Variants in HPSE2 observed in about 807,000 individuals in gnomAD.
HPSE2 encodes the protein heparanase 2 (inactive), also known as inactive heparanase-2.
In HPSE2, 38 loss-of-function variants were observed where a neutral mutation model predicts 60.5. The observed-to-expected ratio is 0.63, with a 90% CI of 0.48 to 0.82. The LOEUF (loss-of-function observed/expected upper bound fraction) is 0.82, where lower values mean the gene tolerates loss of function less well. HPSE2 is among the 40% of genes least tolerant of loss of function. The pLI, the probability that HPSE2 is intolerant of heterozygous loss-of-function variation, is 0.00. For synonymous variants in HPSE2, 295 were observed against 293.2 expected (o/e 1.01, Z -0.06); for missense variants, 713 against 740.4 (o/e 0.96, Z 0.43).
At chr10:99,153,640 C>G (rs1339933641) in intron 2 of HPSE2, among the ~76,000 whole-genome samples, 1 of 152,138 alleles carries the variant, frequency 6.6e-6, no homozygotes, top group Non-Finnish European at 1.5e-5. Flanking sequence ...GATAAAACCA[C>G]AAAGATGGGG....
the HPSE2 span, among the ~76,000 whole-genome samples, chr10:99,248,760 G>C: frequency 6.6e-6 from 1 of 152,212 alleles, no homozygotes; most frequent in African/African-American, 2.4e-5. Flanking sequence ...AGGGAAGAAT[G>C]GTTTTGTGGG....
intron 11 of HPSE2, among the ~76,000 whole-genome samples, chr10:98,476,290 A>T (rs1941016045): frequency 7.7e-6 from 1 of 129,802 alleles, no homozygotes; most frequent in South Asian, 2.6e-4. Context: ...ACATGGACAC[A>T]GGAAGGGGAA....
At chr10:98,833,515 T>C (rs773647954) in intron 3 of HPSE2, among the ~76,000 whole-genome samples, 1 of 152,194 alleles carries the variant, frequency 6.6e-6, no homozygotes. Context: ...TGAGCACTTA[T>C]GTCAGATACT....
intron 3 of HPSE2, among the ~76,000 whole-genome samples, chr10:99,093,613 A>G (rs1843595133): frequency 6.6e-6 from 1 of 152,186 alleles, no homozygotes; most frequent in South Asian, 2.1e-4. Context: ...GCATCATCAC[A>G]TAGCAGAAGG....
At chr10:98,820,198 T>C (rs1483486549) in intron 3 of HPSE2, among the ~76,000 whole-genome samples, 1 of 152,136 alleles carries the variant, frequency 6.6e-6, no homozygotes, top group African/African-American at 2.4e-5. Flanking sequence ...AGACATGTCT[T>C]TCCCCCAAGG....
At chr10:98,839,629 C>T (rs947926164) in intron 3 of HPSE2, among the ~76,000 whole-genome samples, 6 of 152,162 alleles carry the variant, frequency 3.9e-5, no homozygotes, top group African/African-American at 1.4e-4. Context: ...ATATTCCTCA[C>T]AGGAACACAG....
At chr10:98,693,840 AATT>A in intron 6 of HPSE2, 57 bp downstream of exon 6, 1 of 1,259,498 alleles carries the variant, frequency 7.9e-7, no homozygotes, top group Non-Finnish European at 1.2e-6. Context: ...AGTGACAACT[AATT>A]ATCTTTCATT....
intron 3 of HPSE2, among the ~76,000 whole-genome samples, chr10:98,803,082 C>A (rs1208778201): frequency 6.6e-6 from 1 of 151,626 alleles, no homozygotes; most frequent in African/African-American, 2.4e-5. Flanking sequence ...TGATGGTGAG[C>A]ATTTTTTCAT....
chr10:98,874,839 T>A (rs765906602), intron 3 of HPSE2, among the ~76,000 whole-genome samples: 3 of 152,000 alleles, frequency 2.0e-5, no homozygotes, highest in African/African-American at 7.2e-5. Context: ...AATTTTATCA[T>A]AGGCCTTTTC....
chr10:98,954,177 G>A (rs1426166314), intron 3 of HPSE2, among the ~76,000 whole-genome samples: 3 of 152,044 alleles, frequency 2.0e-5, no homozygotes, highest in East Asian at 1.9e-4. Flanking sequence ...GTGTGGTGGC[G>A]TATGCCTGTA....
At chr10:98,534,049 T>C (rs1404007067) in intron 9 of HPSE2, among the ~76,000 whole-genome samples, 1 of 152,106 alleles carries the variant, frequency 6.6e-6, no homozygotes, top group Non-Finnish European at 1.5e-5. Flanking sequence ...AAATTTACAG[T>C]TTAAAAAGTG....
the HPSE2 span, among the ~76,000 whole-genome samples, chr10:99,276,304 T>C: frequency 6.6e-6 from 1 of 152,194 alleles, no homozygotes; most frequent in East Asian, 1.9e-4. Flanking sequence ...ACCCAATAAT[T>C]ATTCTTTGTA....
At chr10:98,790,583 G>C (rs567851208) in intron 3 of HPSE2, among the ~76,000 whole-genome samples, 1 of 152,256 alleles carries the variant, frequency 6.6e-6, no homozygotes, top group African/African-American at 2.4e-5. Flanking sequence ...ACTGCATGCT[G>C]ACCACAATTG....
chr10:98,688,424 G>A lies in HPSE2; in HGVS notation c.1004+5476C>T, dbSNP rs575527349. On this transcript the variant is annotated intron_variant, in intron 6 of 11. Transcript: ENST00000370552. ...TTTTTGAGATCCAAGTTTCCTTCTG[G>A]TGCTACTGTCTTTCTGTCTGAAGAA... 9.6e-4 allele frequency among the ~76,000 whole-genome samples: 138 copies of A among 143,180 alleles called. 3 individuals are homozygous for A. The highest frequency in any genetic ancestry group is 9.6e-3 in the Admixed American group (133 of 13,802). 93.9% of individuals were successfully genotyped at this position (143,180 alleles called of 152,430 possible).
In HPSE2 at chr10:98,941,601, C is replaced by T. The variant is rs542185660; in HGVS notation, c.611-197545G>A. ...AAGAGGATACAAACAAATGGAAGAA[C>T]ATTCCATGCTCATGGATAGGAAGAA... On this transcript the variant is annotated intron_variant, in intron 3 of 11. Coordinates refer to ENST00000370552, the MANE Select transcript of HPSE2 (RefSeq NM_021828.5). Among the ~76,000 whole-genome samples, 128 of 140,044 alleles carry T rather than the reference C, an allele frequency of 9.1e-4. 3 individuals are homozygous for T. The highest frequency in any genetic ancestry group is 3.0e-4 in the Non-Finnish European group (20 of 66,044). The allele number at this position is 140,044 out of a possible 152,430, so 91.9% of individuals were successfully genotyped here. A position where few individuals can be genotyped will look rare whatever the true frequency, so the allele number is the denominator to read the frequency against.
rs72836747 is a variant in HPSE2 at position 98,871,331 on chromosome 10, G to A, written c.611-127275C>T. Among the ~76,000 whole-genome samples, 1,010 of 152,052 alleles carry A rather than the reference G, an allele frequency of 6.6e-3. 6 individuals carry two copies. The highest frequency in any genetic ancestry group is 0.027 in the South Asian group (129 of 4,822). On this transcript the variant is annotated intron_variant, in intron 3 of 11. Transcript: ENST00000370552. ...GATACGAAAAGTACAGCTAGGAGGT[G>A]CACCCAAATGGGTCCTTACCCTCTC...
chr10:99,157,840 C>T (rs1293409471), intron 2 of HPSE2, among the ~76,000 whole-genome samples: 49 of 121,652 alleles, frequency 4.0e-4, no homozygotes, highest in African/African-American at 1.2e-3. Context: ...AGAAAATTTT[C>T]GCAACCTACT....
rs200306721 is a variant in HPSE2 at position 99,093,339 on chromosome 10, G to GA, written c.610+50898dup. 8.5e-4 allele frequency among the ~76,000 whole-genome samples: 124 copies of GA among 146,720 alleles called. 1 individual carries two copies. Among genetic ancestry groups the GA allele is most frequent in the Non-Finnish European group, 1.2e-3 (77 of 66,396 alleles). On this transcript the variant is annotated intron_variant, in intron 3 of 11. Transcript: ENST00000370552. ...AATTTTTGCATGAGAATATTTTCCT[G>GA]AAAAAAAAAACTAGTAACATTGACT...
intron 9 of HPSE2, among the ~76,000 whole-genome samples, chr10:98,609,475 T>C (rs1031553192): frequency 2.6e-5 from 4 of 152,228 alleles, no homozygotes; most frequent in Admixed American, 1.3e-4. Flanking sequence ...ATAATGCTGA[T>C]TGCAGCAATT....
Sources: allele counts gnomAD v4.1 joint callset (sites outside exome capture counted in the v4.1 genomes callset), GRCh38; gene constraint gnomAD v4.1.1; transcripts MANE v1.5; gene names NCBI Gene and HGNC (gene_info 2026-07-23, HGNC 2026-07-21).